Variants in CUL1 observed in about 807,000 individuals in gnomAD.
CUL1 encodes cullin-1.
CUL1 carries 24 observed loss-of-function variants against 118.0 expected under a neutral mutation model. The observed-to-expected ratio is 0.20, with a 90% CI of 0.15 to 0.29. The LOEUF is 0.29. Ranked by LOEUF, CUL1 falls within the 10% of genes least tolerant of loss-of-function variation. The probability of loss-of-function intolerance (pLI) is 1.00; values close to 1 mark genes in which losing one functional copy is unlikely to be tolerated. For missense variants in CUL1, 361 were observed against 933.8 expected (o/e 0.39, Z 7.99); for synonymous variants, 332 against 340.4 (o/e 0.98, Z 0.27).
At chr7:148,793,832 A>C (rs1801098106) in intron 17 of CUL1, among the ~76,000 whole-genome samples, 2 of 152,250 alleles carry the variant, frequency 1.3e-5, no homozygotes, top group South Asian at 4.1e-4. Flanking sequence ...AGACTGTTCC[A>C]TAGTGGCTGT....
intron 17 of CUL1, among the ~76,000 whole-genome samples, chr7:148,795,970 T>C (rs928295893): frequency 1.1e-4 from 16 of 152,198 alleles, no homozygotes; most frequent in African/African-American, 3.9e-4. Flanking sequence ...CTGCCTTTTA[T>C]TTCTTTTTTG....
At chr7:148,747,600 AAAT>A (rs1799346196) in intron 2 of CUL1, among the ~76,000 whole-genome samples, 2 of 152,320 alleles carry the variant, frequency 1.3e-5, no homozygotes, top group South Asian at 4.1e-4. Context: ...GAACTGAAAA[AAAT>A]AATAATCATC....
intron 2 of CUL1, among the ~76,000 whole-genome samples, chr7:148,740,444 G>A (rs1169934007): frequency 6.6e-6 from 1 of 152,172 alleles, no homozygotes; most frequent in African/African-American, 2.4e-5. Flanking sequence ...CACAGATAAT[G>A]TTCAACTGTC....
rs1272550520 is a variant in CUL1, at chr7:148,787,750, A to T, written c.1479+630A>T. ...ACACTTCCACACTGTGCTGGCCTGG[A>T]GCTGAGTGGAGGTTTTGTTTGCTCT... On this transcript the variant is annotated intron_variant, in intron 13 of 21. Transcript: ENST00000325222. The surrounding 1 kb of genome is among the most constrained non-coding windows in gnomAD (Gnocchi z 5.5). Among the ~76,000 whole-genome samples, 1 of 151,972 alleles carries T rather than the reference A, an allele frequency of 6.6e-6. No individual in the cohort carries two copies. The highest frequency in any genetic ancestry group is 1.5e-5 in the Non-Finnish European group (1 of 67,998).
chr7:148,786,410 A>G, intron 11 of CUL1, 141 bp from the exon 12 acceptor site: 1 of 635,024 alleles, frequency 1.6e-6, no homozygotes, highest in Non-Finnish European at 2.8e-6. Context: ...GCTGTAGGTA[A>G]GGAAAGTCAA....
chr7:148,753,355 C>G (rs183829852), intron 2 of CUL1, among the ~76,000 whole-genome samples: 2 of 152,352 alleles, frequency 1.3e-5, no homozygotes, highest in Non-Finnish European at 2.9e-5. Context: ...CCCATCTTCT[C>G]ATTCTCTGCG....
chr7:148,705,435 G>T (rs1797850023), intron 1 of CUL1, among the ~76,000 whole-genome samples: 2 of 152,226 alleles, frequency 1.3e-5, no homozygotes, highest in South Asian at 4.1e-4. Context: ...AATTATTTAA[G>T]AAGTGTATGC....
chr7:148,723,313 T>G (rs1798455184), intron 1 of CUL1, among the ~76,000 whole-genome samples: 1 of 152,208 alleles, frequency 6.6e-6, no homozygotes, highest in African/African-American at 2.4e-5. Flanking sequence ...CAGGATCAGG[T>G]GGTAAACCCC....
rs150899985 is a variant in CUL1 at position 148,763,218 on chromosome 7, T to A, written c.789+2722T>A. On this transcript the variant is annotated intron_variant, in intron 7 of 21. Transcript: ENST00000325222. ...ACGGTTGAGGAGCAAGAATTTCCAATGGCCTCGATGTTTTCAATCCAGCAT... is the reference window on the plus strand; with the variant it reads ...ACGGTTGAGGAGCAAGAATTTCCAAAGGCCTCGATGTTTTCAATCCAGCAT... Among the ~76,000 whole-genome samples the A allele has an allele frequency of 3.1e-3, 473 of 152,224 alleles. 4 individuals carry two copies. Among genetic ancestry groups the A allele is most frequent in the African/African-American group, 0.011 (456 of 41,558 alleles).
chr7:148,796,862 G>T (rs1466886039), intron 17 of CUL1, among the ~76,000 whole-genome samples: 1 of 152,154 alleles, frequency 6.6e-6, no homozygotes, highest in African/African-American at 2.4e-5. Context: ...ATGGCTGCTG[G>T]CAGTTCTGGG....
chr7:148,725,221 TCA>T lies in CUL1; in HGVS notation c.-161-4715_-161-4714del, dbSNP rs1164701228. 1.1e-3 allele frequency among the ~76,000 whole-genome samples: 166 copies of T among 145,348 alleles called. 1 individual carries two copies. The highest frequency in any genetic ancestry group is 6.8e-3 in the East Asian group (34 of 4,964). ...TGTACACACACACACACGCGCGCGC[TCA>T]CACACACACACACACACACACACAC... is the stretch of plus-strand genomic sequence containing the variant. On this transcript the variant is annotated intron_variant, in intron 1 of 21. Transcript: ENST00000325222.
intron 13 of CUL1, 27 bp from the exon 14 acceptor site, chr7:148,788,530 T>C: frequency 1.4e-6 from 2 of 1,431,302 alleles, no homozygotes; most frequent in South Asian, 2.3e-5. Flanking sequence ...TACAAATTAA[T>C]AAGACAGTCA....
chr7:148,739,036 C>T (rs748968809), intron 2 of CUL1, among the ~76,000 whole-genome samples: 7 of 152,220 alleles, frequency 4.6e-5, no homozygotes, highest in African/African-American at 1.2e-4. Context: ...TCCTTTCACA[C>T]AGGCGCCCTT....
chr7:148,702,347 C>T (rs576601893), intron 1 of CUL1, among the ~76,000 whole-genome samples: 1 of 152,266 alleles, frequency 6.6e-6, no homozygotes, highest in South Asian at 2.1e-4. Flanking sequence ...GACATGGAGT[C>T]TAGTTCAAGC....
chr7:148,729,625 T>C (rs543399483), intron 1 of CUL1, among the ~76,000 whole-genome samples: 1 of 152,324 alleles, frequency 6.6e-6, no homozygotes, highest in African/African-American at 2.4e-5. Context: ...AGCATATCCT[T>C]TGCCCTTTTT....
intron 1 of CUL1, among the ~76,000 whole-genome samples, chr7:148,723,221 T>A (rs1798451513): frequency 6.6e-6 from 1 of 152,214 alleles, no homozygotes; most frequent in Non-Finnish European, 1.5e-5. Context: ...GGGTTCTCCA[T>A]CATCTTGTCA....
At chr7:148,792,195 A>G (rs1490735772) in intron 16 of CUL1, among the ~76,000 whole-genome samples, 3 of 152,194 alleles carry the variant, frequency 2.0e-5, no homozygotes, top group Non-Finnish European at 4.4e-5. Flanking sequence ...CAAAAAAAAA[A>G]AAAAATAGAA....
chr7:148,738,525 G>T (rs1361563342), intron 2 of CUL1, among the ~76,000 whole-genome samples: 1 of 152,170 alleles, frequency 6.6e-6, no homozygotes, highest in African/African-American at 2.4e-5. Flanking sequence ...TTCCCCACCT[G>T]CCTGCGGAGG....
At chr7:148,753,932 T>G in intron 2 of CUL1, 44 bp from the exon 3 acceptor site, 1 of 1,430,902 alleles carries the variant, frequency 7.0e-7, no homozygotes, top group South Asian at 1.3e-5. Flanking sequence ...TTAATGACCG[T>G]TAACGTCTGT....
Sources: gnomAD v4.1 joint callset for allele counts (sites outside exome capture counted in the v4.1 genomes callset) on GRCh38, gnomAD v4.1.1 for gene constraint, Gnocchi (gnomAD v3.1) non-coding constraint, MANE v1.5 for transcripts, NCBI Gene and HGNC (gene_info 2026-07-23, HGNC 2026-07-21) for gene names.